THSD7B: variants seen among roughly 807,000 people sequenced by gnomAD.
THSD7B encodes the protein thrombospondin type-1 domain-containing protein 7B.
Under a neutral mutation model 213.6 loss-of-function variants are expected in THSD7B, and 138 were observed. The observed-to-expected ratio is 0.65, with a 90% CI of 0.56 to 0.74. THSD7B has a LOEUF of 0.74. Among genes scored for constraint, THSD7B ranks in the 30% least tolerant of loss-of-function variants. The pLI is 0.00. For missense variants in THSD7B, 1,931 were observed against 1,991.5 expected (o/e 0.97, Z 0.58); for synonymous variants, 742 against 687.0 (o/e 1.08, Z -1.25).
chr2:137,486,284 T>G (rs898040286), intron 15 of THSD7B, among the ~76,000 whole-genome samples: 2 of 149,966 alleles, frequency 1.3e-5, no homozygotes, highest in Admixed American at 6.6e-5. Context: ...AGGCTCAAAA[T>G]AAAAGGATGG....
chr2:136,804,660 T>G (rs1682252411), intron 1 of THSD7B, among the ~76,000 whole-genome samples: 1 of 152,166 alleles, frequency 6.6e-6, no homozygotes, highest in Admixed American at 6.5e-5. Flanking sequence ...TATTGGTTGT[T>G]TTGAAGAGGA....
At chr2:137,524,511 A>G (rs1449422501) in intron 15 of THSD7B, among the ~76,000 whole-genome samples, 1 of 151,948 alleles carries the variant, frequency 6.6e-6, no homozygotes, top group Non-Finnish European at 1.5e-5. Flanking sequence ...CATTTTTTTT[A>G]TAGGTGATGG....
At chr2:137,455,075 C>T (rs1041151710) in intron 15 of THSD7B, among the ~76,000 whole-genome samples, 1 of 152,080 alleles carries the variant, frequency 6.6e-6, no homozygotes, top group South Asian at 2.1e-4. Context: ...TATACTTATT[C>T]ATTCTCCTCC....
At chr2:136,903,927 T>G (rs983776298) in intron 2 of THSD7B, among the ~76,000 whole-genome samples, 4 of 18,630 alleles carry the variant, frequency 2.1e-4, no homozygotes, top group Admixed American at 7.4e-4. Context: ...TCCTGTGAGG[T>G]GTGTGTGTGT....
At chr2:137,644,697 TG>T (rs1682997870) in intron 21 of THSD7B, among the ~76,000 whole-genome samples, 1 of 152,216 alleles carries the variant, frequency 6.6e-6, no homozygotes. Context: ...TGGGCCTTTT[TG>T]CACAAAGGAA....
intron 1 of THSD7B, among the ~76,000 whole-genome samples, chr2:136,775,628 G>C (rs1681587081): frequency 6.6e-6 from 1 of 152,116 alleles, no homozygotes; most frequent in African/African-American, 2.4e-5. Flanking sequence ...CAGGATAAAA[G>C]TGTATTCACG....
At position 136,948,443 on chromosome 2, in the gene THSD7B, T is replaced by TCA. The variant is rs138752316; in HGVS notation, c.139+66127_139+66128dup. On this transcript the variant is annotated intron_variant, in intron 2 of 27. Transcript: ENST00000409968. Reference sequence around the variant, plus strand: ...CCCATACCTTTCTTTTTTTCATGCCTCATATATATCATATAAAAGAATACA... The same window carrying TCA: ...CCCATACCTTTCTTTTTTTCATGCCTCACATATATATCATATAAAAGAATACA... Among the ~76,000 whole-genome samples the TCA allele has an allele frequency of 1.7e-3, 262 of 151,350 alleles. 4 individuals carry two copies. In the East Asian group the frequency reaches 0.046, roughly 26 times the overall value.
chr2:137,424,329 A>C (rs1686992539), intron 14 of THSD7B, among the ~76,000 whole-genome samples: 2 of 152,176 alleles, frequency 1.3e-5, no homozygotes, highest in Admixed American at 6.5e-5. Context: ...AAAATTAAAA[A>C]TGTAAGTGCT....
chr2:137,141,845 C>T lies in THSD7B; in HGVS notation c.1370-18368C>T, dbSNP rs1198430190. Among the ~76,000 whole-genome samples the T allele has an allele frequency of 3.3e-5, 5 of 152,064 alleles. No homozygotes were observed. The East Asian group carries it at 7.7e-4, about 24-fold the overall frequency. Reference sequence around the variant, plus strand: ...CACACCTGGTACTCACTGTTACAGTCTAGAAGTTACATTTAATGTTTTTTT... The same window carrying T: ...CACACCTGGTACTCACTGTTACAGTTTAGAAGTTACATTTAATGTTTTTTT... On this transcript the variant is annotated intron_variant, in intron 5 of 27. Coordinates refer to ENST00000409968, the MANE Select transcript of THSD7B (RefSeq NM_001316349.2).
chr2:137,510,028 GTC>G (rs1679927109), intron 15 of THSD7B, among the ~76,000 whole-genome samples: 1 of 151,820 alleles, frequency 6.6e-6, no homozygotes, highest in African/African-American at 2.4e-5. Flanking sequence ...TTAGAATTAT[GTC>G]TCTTGTTAAT....
intron 1 of THSD7B, among the ~76,000 whole-genome samples, chr2:136,838,952 G>C (rs963203833): frequency 6.6e-6 from 1 of 152,142 alleles, no homozygotes; most frequent in South Asian, 2.1e-4. Context: ...AGCCGTGGAT[G>C]GTGAAGGAGG....
intron 24 of THSD7B, among the ~76,000 whole-genome samples, chr2:137,658,665 T>C (rs1278502429): frequency 6.6e-6 from 1 of 152,164 alleles, no homozygotes; most frequent in Non-Finnish European, 1.5e-5. Context: ...ATTTCACACC[T>C]AGATGCTAAT....
chr2:136,881,848 CT>C (rs898915877), intron 1 of THSD7B, among the ~76,000 whole-genome samples: 4 of 151,950 alleles, frequency 2.6e-5, no homozygotes, highest in Admixed American at 1.3e-4. Context: ...TTACATTGAT[CT>C]TTTTTTACCA....
At chr2:137,558,872 G>T (rs1253860734) in intron 15 of THSD7B, among the ~76,000 whole-genome samples, 1 of 152,124 alleles carries the variant, frequency 6.6e-6, no homozygotes, top group African/African-American at 2.4e-5. Context: ...AAAGTCTCAG[G>T]ATACAAAATC....
intron 1 of THSD7B, among the ~76,000 whole-genome samples, chr2:136,829,008 G>A (rs1682704266): frequency 6.6e-6 from 1 of 152,074 alleles, no homozygotes; most frequent in East Asian, 1.9e-4. Flanking sequence ...TGAACTCTTT[G>A]TTAGTTATTT....
At chr2:136,820,860 T>G (rs1682553955) in intron 1 of THSD7B, among the ~76,000 whole-genome samples, 1 of 152,124 alleles carries the variant, frequency 6.6e-6, no homozygotes, top group Admixed American at 6.6e-5. Flanking sequence ...CCAGTATCTG[T>G]ATCTACTTGA....
chr2:137,209,055 T>G (rs1681044355), intron 7 of THSD7B, among the ~76,000 whole-genome samples: 1 of 152,092 alleles, frequency 6.6e-6, no homozygotes, highest in African/African-American at 2.4e-5. Flanking sequence ...ATGATTATCC[T>G]TGCTTTAAGG....
chr2:137,264,787 G>T (rs577379227), intron 10 of THSD7B, among the ~76,000 whole-genome samples: 5 of 151,026 alleles, frequency 3.3e-5, no homozygotes, highest in African/African-American at 1.2e-4. Flanking sequence ...GTTGAGGGAC[G>T]CAAAAGAGCC....
intron 15 of THSD7B, among the ~76,000 whole-genome samples, chr2:137,481,778 A>G (rs947587546): frequency 6.6e-6 from 1 of 152,258 alleles, no homozygotes; most frequent in Non-Finnish European, 1.5e-5. Flanking sequence ...ACAAAAATAT[A>G]ATAGCAGACC....
Sources: gnomAD v4.1 joint callset for allele counts (sites outside exome capture counted in the v4.1 genomes callset) on GRCh38, gnomAD v4.1.1 for gene constraint, MANE v1.5 for transcripts, NCBI Gene and HGNC (gene_info 2026-07-23, HGNC 2026-07-21) for gene names.